The following CEMIP variants were observed in gnomAD, a reference collection of about 807,000 sequenced individuals.
The protein encoded by CEMIP is cell migration-inducing and hyaluronan-binding protein.
Under a neutral mutation model 156.9 loss-of-function variants are expected in CEMIP, and 105 were observed. The observed-to-expected ratio is 0.67, with a 90% CI of 0.57 to 0.79. The LOEUF is 0.79. Among genes scored for constraint, CEMIP ranks in the 30% least tolerant of loss-of-function variants. The pLI, the probability that CEMIP is intolerant of heterozygous loss-of-function variation, is 0.00. For synonymous variants in CEMIP, 676 were observed against 668.4 expected (o/e 1.01, Z -0.17); for missense variants, 1,457 against 1,769.4 (o/e 0.82, Z 3.17).
chr15:80,915,488 T>C (rs12905722), intron 14 of CEMIP, among the ~76,000 whole-genome samples: 111,250 of 152,094 alleles, frequency 0.73, 43,965 homozygotes, highest in Non-Finnish European at 0.87. Context: ...AGCCCAAATA[T>C]GAAACCCAGA....
chr15:80,805,103 A>G (rs543174009), intron 1 of CEMIP, among the ~76,000 whole-genome samples: 26 of 152,246 alleles, frequency 1.7e-4, no homozygotes, highest in African/African-American at 6.0e-4. Context: ...TCTCACAACC[A>G]CATGAAAGCA....
chr15:80,925,836 A>G (rs908265564), intron 19 of CEMIP, 81 bp downstream of exon 19: 45 of 1,541,350 alleles, frequency 2.9e-5, no homozygotes, highest in Admixed American at 1.3e-4. Context: ...ACAGGAGAGC[A>G]AAGCAGAGAG....
At chr15:80,782,661 T>C (rs971166661) in intron 1 of CEMIP, among the ~76,000 whole-genome samples, 2 of 152,236 alleles carry the variant, frequency 1.3e-5, no homozygotes, top group African/African-American at 4.8e-5. Flanking sequence ...CAGTTTTACA[T>C]TCTGGTGCTC....
chr15:80,847,889 G>A (rs548161766), intron 1 of CEMIP, among the ~76,000 whole-genome samples: 16 of 152,328 alleles, frequency 1.1e-4, no homozygotes, highest in Admixed American at 2.0e-4. Flanking sequence ...ACAGTGAGCC[G>A]TGGAGATGCT....
Position 80,878,855 on chromosome 15 carries a change from A to C in CEMIP, c.229A>C (p.Ile77Leu). 1 of 1,614,154 alleles carries C rather than the reference A, an allele frequency of 6.2e-7. No individual in the cohort carries two copies. The highest frequency in any genetic ancestry group is 8.5e-7 in the Non-Finnish European group (1 of 1,180,006). The part of the protein sequence containing the change: ...TSSATVYSIH[I>L]SEGGKLVIKD... ...TTCTGCCACGGTCTATTCCATCCAC[A>C]TCTCAGAGGGAGGTAAGCCAATCTC... Residue 77 changes from isoleucine (I) to leucine (L), a missense_variant, in exon 4 of 30, where the codon ATC becomes CTC. By Grantham distance (5) the Ile-to-Leu change is conservative (BLOSUM62 2). This residue lies in a region of CEMIP where 309 missense variants were observed against 340.8 expected (regional missense o/e 0.91). Coordinates refer to ENST00000394685, the MANE Select transcript of CEMIP (RefSeq NM_001293298.2).
chr15:80,860,340 C>G lies in CEMIP; in HGVS notation c.-175-13198C>G, dbSNP rs572077129. ...TGTGGCACACTTAGCTAGAATCCAG[C>G]CTTCTTGGACCCTATCACATTACCT... On this transcript the variant is annotated intron_variant, in intron 1 of 29. Transcript: ENST00000394685. Among the ~76,000 whole-genome samples, 48 of 152,302 alleles carry G rather than the reference C, an allele frequency of 3.2e-4. 1 individual carries two copies. The highest frequency in any genetic ancestry group is 1.1e-3 in the African/African-American group (47 of 41,560).
rs35541581 is a variant in CEMIP at position 80,879,723 on chromosome 15, G to A, written c.249G>A (p.Leu83=). 21,897 of 1,614,116 alleles carry A rather than the reference G, an allele frequency of 0.014. 1,966 individuals carry two copies. In the African/African-American group the frequency reaches 0.22, roughly 16 times the overall value. The change falls in exon 5 of 30, where the codon CTG becomes CTA. Residue 83 remains leucine (L), a synonymous_variant. Coordinates refer to ENST00000394685, the MANE Select transcript of CEMIP (RefSeq NM_001293298.2). ...YSIHISEGGK[L]VIKDHDEPIV... is the part of the protein sequence containing the mutation. Reference sequence around the variant, plus strand: ...CCAATGCTACCTCTTCAGGCAAGCTGGTCATTAAAGACCACGACGAGCCGA... The same window carrying A: ...CCAATGCTACCTCTTCAGGCAAGCTAGTCATTAAAGACCACGACGAGCCGA...
At chr15:80,813,051 A>G (rs1384589702) in intron 1 of CEMIP, among the ~76,000 whole-genome samples, 3 of 152,174 alleles carry the variant, frequency 2.0e-5, no homozygotes, top group African/African-American at 7.2e-5. Flanking sequence ...ACAATGCATG[A>G]TTAATTTTAA....
At chr15:80,794,091 C>T (rs899270817) in intron 1 of CEMIP, among the ~76,000 whole-genome samples, 1 of 152,204 alleles carries the variant, frequency 6.6e-6, no homozygotes, top group African/African-American at 2.4e-5. Flanking sequence ...GACCCTCCAG[C>T]AGTTTATCTT....
chr15:80,866,733 C>G (rs1216589657), intron 1 of CEMIP, among the ~76,000 whole-genome samples: 1 of 150,216 alleles, frequency 6.7e-6, no homozygotes, highest in East Asian at 2.0e-4. Flanking sequence ...TTGCAGTGAG[C>G]TGAGATCACA....
intron 23 of CEMIP, 63 bp from the exon 24 acceptor site, chr15:80,936,611 G>A: frequency 7.1e-7 from 1 of 1,417,676 alleles, no homozygotes; most frequent in Non-Finnish European, 9.9e-7. Context: ...ATGTTAGCCA[G>A]ACGCTCTTGG....
intron 1 of CEMIP, among the ~76,000 whole-genome samples, chr15:80,837,411 C>T (rs184991982): frequency 1.3e-5 from 2 of 152,312 alleles, no homozygotes; most frequent in African/African-American, 4.8e-5. Context: ...TGACAAGACG[C>T]AAAGAACACC....
chr15:80,812,896 A>G (rs1287805273), intron 1 of CEMIP, among the ~76,000 whole-genome samples: 1 of 152,208 alleles, frequency 6.6e-6, no homozygotes. Context: ...CCCTGTTGGA[A>G]GGGTTTGGGT....
At chr15:80,925,288 C>T (rs1900615764) in intron 18 of CEMIP, among the ~76,000 whole-genome samples, 1 of 152,196 alleles carries the variant, frequency 6.6e-6, no homozygotes, top group African/African-American at 2.4e-5. Context: ...AGTGGAAGAG[C>T]TGGGTATCTC....
intron 4 of CEMIP, 102 bp downstream of exon 4, chr15:80,878,969 C>A: frequency 1.4e-6 from 2 of 1,431,868 alleles, no homozygotes; most frequent in Non-Finnish European, 2.0e-6. Context: ...GAATAAACAT[C>A]ACATGCTTTG....
chr15:80,795,154 C>G (rs1896185865), intron 1 of CEMIP, among the ~76,000 whole-genome samples: 1 of 152,048 alleles, frequency 6.6e-6, no homozygotes, highest in Admixed American at 6.5e-5. Context: ...CATGCAGCAT[C>G]TTTTAAACCA....
chr15:80,836,642 C>CCTGGGTTTTCTGCCTCCTTACCTT (rs1897276805), intron 1 of CEMIP, among the ~76,000 whole-genome samples: 1 of 149,078 alleles, frequency 6.7e-6, no homozygotes, highest in Admixed American at 6.6e-5. Flanking sequence ...CTCCTTACCT[C>CCTGGGTTTTCTGCCTCCTTACCTT]CTGGGTTTTC....
At chr15:80,910,910 G>C (rs1289050331) in intron 14 of CEMIP, among the ~76,000 whole-genome samples, 1 of 152,228 alleles carries the variant, frequency 6.6e-6, no homozygotes. Flanking sequence ...CAAGGAAAAA[G>C]GAAAGGAGAA....
chr15:80,937,306 G>A (rs1901166827), intron 24 of CEMIP, among the ~76,000 whole-genome samples: 1 of 152,174 alleles, frequency 6.6e-6, no homozygotes, highest in African/African-American at 2.4e-5. Context: ...TGAGGCCGAG[G>A]GCATCTGGAT....
Sources: gnomAD v4.1 joint callset for allele counts (sites outside exome capture counted in the v4.1 genomes callset) on GRCh38, gnomAD v4.1.1 for gene constraint, gnomAD v4.1.1 regional missense constraint, MANE v1.5 for transcripts, NCBI Gene and HGNC (gene_info 2026-07-23, HGNC 2026-07-21) for gene names.